The following HTT variants were observed in gnomAD, a reference collection of about 807,000 sequenced individuals.
HTT encodes huntington disease protein.
A neutral mutation model predicts 362.3 loss-of-function variants in HTT; 104 were observed. The observed-to-expected ratio is 0.29, with a 90% CI of 0.24 to 0.34. The LOEUF (loss-of-function observed/expected upper bound fraction) is 0.34, where lower values mean the gene tolerates loss of function less well. HTT is among the 10% of genes least tolerant of loss of function. The pLI, the probability that HTT is intolerant of heterozygous loss-of-function variation, is 1.00. For missense variants in HTT, 3,301 were observed against 3,928.6 expected (o/e 0.84, Z 4.27); for synonymous variants, 1,577 against 1,548.7 (o/e 1.02, Z -0.43).
rs980140471 is a variant in HTT, at chr4:3,218,359, G to A, written c.7242+407G>A. Among the ~76,000 whole-genome samples the A allele has an allele frequency of 3.9e-5, 6 of 152,094 alleles. 1 individual carries two copies. In the South Asian group the frequency reaches 6.2e-4, roughly 16 times the overall value. On this transcript the variant is annotated intron_variant, in intron 52 of 66. Transcript: ENST00000355072. This position sits in a 1 kb window ranked among gnomAD's most constrained non-coding sequence, Gnocchi z 4.4. Reference sequence around the variant, plus strand: ...TTTAAAGTAGGTGTTATTGCCAGGCGCAGTAGCTCATGCCTGTAATCCCAG... The same window carrying A: ...TTTAAAGTAGGTGTTATTGCCAGGCACAGTAGCTCATGCCTGTAATCCCAG...
intron 47 of HTT, 52 bp downstream of exon 47, chr4:3,210,001 C>T (rs772812749): frequency 6.0e-5 from 96 of 1,598,602 alleles, no homozygotes; most frequent in Non-Finnish European, 8.0e-5. Context: ...TTGTGACTTC[C>T]AAGTGGGATT....
intron 7 of HTT, 66 bp from the exon 8 acceptor site, chr4:3,116,019 C>A: frequency 7.1e-7 from 1 of 1,417,492 alleles, no homozygotes; most frequent in Non-Finnish European, 9.9e-7. Context: ...TCTTTTTTAA[C>A]AGATTAAGCC....
intron 2 of HTT, among the ~76,000 whole-genome samples, chr4:3,088,440 C>G (rs1157884395): frequency 1.3e-5 from 2 of 152,132 alleles, no homozygotes; most frequent in Non-Finnish European, 2.9e-5. Flanking sequence ...TCCCAAAGTG[C>G]TGGGATTACA....
chr4:3,155,729 A>C (rs1032950725), intron 27 of HTT, among the ~76,000 whole-genome samples: 3 of 106,862 alleles, frequency 2.8e-5, no homozygotes, highest in South Asian at 5.8e-4. Flanking sequence ...AAAATACCAC[A>C]AAAAAAAAAA....
chr4:3,093,145 G>A (rs1248115071), intron 2 of HTT, among the ~76,000 whole-genome samples: 1 of 152,180 alleles, frequency 6.6e-6, no homozygotes, highest in East Asian at 1.9e-4. Flanking sequence ...GTACTGACGA[G>A]CACTTGCTTG....
chr4:3,186,497 A>G, intron 37 of HTT, 100 bp from the exon 38 acceptor site: 2 of 1,308,020 alleles, frequency 1.5e-6, no homozygotes, highest in Non-Finnish European at 2.2e-6. Context: ...TGACGATGAG[A>G]TGATTATGAT....
intron 3 of HTT, among the ~76,000 whole-genome samples, chr4:3,100,732 G>C (rs760739711): frequency 6.6e-6 from 1 of 152,084 alleles, no homozygotes; most frequent in Non-Finnish European, 1.5e-5. Flanking sequence ...GGACCAGGGC[G>C]GTCTGTCTTT....
At chr4:3,106,161 G>C (rs1262406787) in intron 5 of HTT, among the ~76,000 whole-genome samples, 1 of 152,154 alleles carries the variant, frequency 6.6e-6, no homozygotes, top group Non-Finnish European at 1.5e-5. Context: ...GCTTGACCCA[G>C]ACTAGGCAAC....
intron 40 of HTT, among the ~76,000 whole-genome samples, chr4:3,194,190 C>T (rs1039137600): frequency 6.6e-6 from 1 of 152,194 alleles, no homozygotes; most frequent in Admixed American, 6.5e-5. Flanking sequence ...TTGTCCATTT[C>T]AGGCGTGGGT....
chr4:3,125,439 A>C (rs1480014875), intron 10 of HTT, 110 bp from the exon 11 acceptor site: 16 of 662,724 alleles, frequency 2.4e-5, no homozygotes, highest in Non-Finnish European at 3.5e-5. Flanking sequence ...GATAAACTAT[A>C]TTAGAGTAAA....
rs377400749 is a variant in HTT at position 3,223,505 on chromosome 4, G to A, written c.7570G>A (p.Val2524Ile). 108 of 1,613,862 alleles carry A rather than the reference G, an allele frequency of 6.7e-5. No individual in the cohort carries two copies. The highest frequency in any genetic ancestry group is 8.6e-5 in the Non-Finnish European group (102 of 1,179,926). Residue 2524 changes from valine to isoleucine, a missense_variant, in exon 55 of 67, where the codon GTA becomes ATA. By Grantham distance (29) the Val-to-Ile change is conservative (BLOSUM62 3). Coordinates refer to ENST00000355072, the MANE Select transcript of HTT (RefSeq NM_001388492.1). ...MTVPVAGNPA[V>I]SCLEQQPRNK... is the part of the protein sequence containing the mutation. ...TGTGCCTGTGGCCGGCAACCCAGCTGTAAGCTGCTTGGAGCAGCAGCCCCG... is the reference window on the plus strand; with the variant it reads ...TGTGCCTGTGGCCGGCAACCCAGCTATAAGCTGCTTGGAGCAGCAGCCCCG...
rs776079306 is a variant in HTT at position 3,239,936 on chromosome 4, G to C, written c.9306G>C (p.Gln3102His). The change falls in exon 67 of 67, where the codon CAG (glutamine) becomes CAC (histidine). Residue 3102 changes from glutamine (Q) to histidine (H), a missense_variant. This residue lies in a region of HTT where 753 missense variants were observed against 1,021.3 expected (regional missense o/e 0.74). Transcript: ENST00000355072. The stretch of plus-strand genomic sequence containing the variant: ...TCGCCACAGACTTCTACAGACACCA[G>C]ATAGAGGAGGAGCTCGACCGCAGGG... ...CLVATDFYRHQIEEELDRRAF... is the reference protein window; with the variant it reads ...CLVATDFYRHHIEEELDRRAF... The C allele has an allele frequency of 1.9e-6, 3 of 1,582,830 alleles. No homozygotes were observed. Among genetic ancestry groups the C allele is most frequent in the Non-Finnish European group, 1.7e-6 (2 of 1,163,408 alleles).
Position 3,131,410 on chromosome 4 carries a change from G to A in HTT, c.2098+13G>A. 6.3e-7 allele frequency: 1 copy of A among 1,590,556 alleles called. No individual in the cohort carries two copies. The highest frequency in any genetic ancestry group is 1.7e-4 in the Middle Eastern group (1 of 6,016). The stretch of plus-strand genomic sequence containing the variant: ...GGGGGAAAAAATGGTGAGTACAAAA[G>A]GGGATGTGCACAGTTGAAGGAAATA... On this transcript the variant is annotated intron_variant, in intron 15 of 66. Transcript: ENST00000355072.
rs1408684200 is a variant in HTT, at chr4:3,142,980, G to A, written c.3066+94G>A. The A allele has an allele frequency of 2.8e-5, 27 of 964,706 alleles. No homozygotes were observed. In the Admixed American group the frequency reaches 5.4e-4, roughly 19 times the overall value. 59.8% of individuals were successfully genotyped at this position (964,706 alleles called of 1,614,324 possible). A position where few individuals can be genotyped will look rare whatever the true frequency, so the allele number is the denominator to read the frequency against. ...TTGTATGGTCATCTTACGGTGAGGTGCTTGTCTTACAGCTCTTACTTATCC... is the reference window on the plus strand; with the variant it reads ...TTGTATGGTCATCTTACGGTGAGGTACTTGTCTTACAGCTCTTACTTATCC... On this transcript the variant is annotated intron_variant, in intron 23 of 66. Transcript: ENST00000355072.
intron 29 of HTT, among the ~76,000 whole-genome samples, chr4:3,164,433 C>G (rs1308180650): frequency 6.6e-6 from 1 of 152,184 alleles, no homozygotes; most frequent in Non-Finnish European, 1.5e-5. Context: ...CTGTAGATGT[C>G]TATTAGGTCC....
intron 1 of HTT, among the ~76,000 whole-genome samples, chr4:3,077,730 T>C (rs898857630): frequency 3.3e-5 from 5 of 152,190 alleles, no homozygotes; most frequent in Admixed American, 1.3e-4. Flanking sequence ...AATAATAACT[T>C]TTAAAGGTTC....
chr4:3,212,036 C>T lies in HTT; in HGVS notation c.6522C>T (p.Ala2174=), dbSNP rs1202078450. The T allele has an allele frequency of 2.5e-6, 4 of 1,614,164 alleles. No homozygotes were observed. In the South Asian group the frequency reaches 3.3e-5, roughly 13 times the overall value. The part of the protein sequence containing the change: ...LFEAAREVTL[A]RVSGTVQQLP... The stretch of plus-strand genomic sequence containing the variant: ...AAGCAGCCCGTGAGGTGACTCTGGC[C>T]CGTGTGAGCGGCACCGTGCAGCAGC... The change falls in exon 48 of 67, where the codon GCC becomes GCT. Residue 2174 remains alanine (A), a synonymous_variant. Transcript: ENST00000355072.
intron 2 of HTT, among the ~76,000 whole-genome samples, chr4:3,094,315 C>G (rs953660678): frequency 6.6e-6 from 1 of 152,212 alleles, no homozygotes; most frequent in Admixed American, 6.5e-5. Flanking sequence ...ATGTCTACTT[C>G]TTTCTACGCA....
At chr4:3,137,070 A>G (rs369229389) in intron 21 of HTT, among the ~76,000 whole-genome samples, 5 of 151,618 alleles carry the variant, frequency 3.3e-5, no homozygotes, top group African/African-American at 7.3e-5. Flanking sequence ...ACCACGCCCA[A>G]TTAATTTTTG....
Sources: allele counts gnomAD v4.1 joint callset (sites outside exome capture counted in the v4.1 genomes callset), GRCh38; gene constraint gnomAD v4.1.1; regional missense constraint gnomAD v4.1.1; non-coding constraint Gnocchi (gnomAD v3.1); transcripts MANE v1.5; gene names NCBI Gene and HGNC (gene_info 2026-07-23, HGNC 2026-07-21).